Variants in DNAH7 observed in about 807,000 individuals in gnomAD.
The protein encoded by DNAH7 is dynein axonemal heavy chain 7.
Under a neutral mutation model 444.6 loss-of-function variants are expected in DNAH7, and 397 were observed. That is an observed-to-expected ratio of 0.89 (90% CI 0.82 to 0.97). The LOEUF (loss-of-function observed/expected upper bound fraction) is 0.97, where lower values mean the gene tolerates loss of function less well. Among genes scored for constraint, DNAH7 ranks in the 50% least tolerant of loss-of-function variants. DNAH7 has a pLI of 0.00. For synonymous variants in DNAH7, 1,636 were observed against 1,624.4 expected (o/e 1.01, Z -0.17); for missense variants, 4,902 against 4,800.8 (o/e 1.02, Z -0.62).
At chr2:196,048,853 T>C (rs895001190) in intron 3 of DNAH7, among the ~76,000 whole-genome samples, 18 of 152,200 alleles carry the variant, frequency 1.2e-4, no homozygotes, top group South Asian at 4.1e-4. Flanking sequence ...CAAATTATTA[T>C]ACATACACAA....
rs1559059258 is a variant in DNAH7, at chr2:195,738,012, T to C, written c.11984A>G (p.Asn3995Ser). 2 of 1,614,082 alleles carry C rather than the reference T, an allele frequency of 1.2e-6. No individual in the cohort carries two copies. The highest frequency in any genetic ancestry group is 1.7e-6 in the Non-Finnish European group (2 of 1,179,946). The change falls in exon 65 of 65, where the codon AAT becomes AGT. Residue 3995 changes from asparagine (N) to serine (S), a missense_variant. Transcript: ENST00000312428. ...GVLSTTGHSTNFVIAMTLPSD... is the reference protein window; with the variant it reads ...GVLSTTGHSTSFVIAMTLPSD... ...GGGAAGAGTCATGGCAATCACAAAA[T>C]TCGTGGAATGGCCAGTGGTGGATAA...
chr2:195,857,502 A>G lies in DNAH7; in HGVS notation c.8289T>C (p.Ala2763=). 1.2e-6 allele frequency: 2 copies of G among 1,613,826 alleles called. No individual in the cohort carries two copies. Among genetic ancestry groups the G allele is most frequent in the Middle Eastern group, 3.3e-4 (2 of 6,060 alleles). ...HEYDKDNIPP[A]YMNIIRKNYI... ...AATTTTTTCTTATGATATTCATATA[A>G]GCTGGAGGAATATTGTCCTTGTCAT... The change falls in exon 44 of 65, where the codon GCT becomes GCC. Residue 2763 remains alanine, a synonymous_variant. Transcript: ENST00000312428.
At chr2:195,993,455 G>T (rs569296477) in intron 12 of DNAH7, among the ~76,000 whole-genome samples, 1 of 152,206 alleles carries the variant, frequency 6.6e-6, no homozygotes, top group South Asian at 2.1e-4. Context: ...AATCCACAAA[G>T]AACTAAGTAG....
At chr2:195,848,099 T>A (rs533343363) in intron 46 of DNAH7, among the ~76,000 whole-genome samples, 1 of 152,282 alleles carries the variant, frequency 6.6e-6, no homozygotes, top group South Asian at 2.1e-4. Flanking sequence ...AGCCTCTGGG[T>A]TGATGAGGGT....
At chr2:195,880,909 C>T (rs1701335360) in intron 36 of DNAH7, among the ~76,000 whole-genome samples, 1 of 152,088 alleles carries the variant, frequency 6.6e-6, no homozygotes, top group Non-Finnish European at 1.5e-5. Context: ...TTTCCTCTAA[C>T]CACTGCCTTC....
intron 58 of DNAH7, among the ~76,000 whole-genome samples, chr2:195,782,897 C>T (rs945056416): frequency 6.6e-6 from 1 of 152,118 alleles, no homozygotes; most frequent in Non-Finnish European, 1.5e-5. Flanking sequence ...AGCACAAGGC[C>T]CCCCCTTTAA....
At chr2:195,918,741 C>T (rs533048333) in intron 24 of DNAH7, among the ~76,000 whole-genome samples, 123 of 151,928 alleles carry the variant, frequency 8.1e-4, no homozygotes, top group African/African-American at 2.6e-3. Context: ...AGGGGTTCTG[C>T]GGGAGAGGAG....
intron 48 of DNAH7, among the ~76,000 whole-genome samples, chr2:195,833,914 C>G (rs1001148115): frequency 6.6e-6 from 1 of 152,120 alleles, no homozygotes; most frequent in African/African-American, 2.4e-5. Flanking sequence ...GCCAGCACAC[C>G]TGGCTAATGT....
intron 1 of DNAH7, among the ~76,000 whole-genome samples, chr2:196,066,024 CCTGA>C (rs768580908): frequency 2.0e-5 from 3 of 152,194 alleles, no homozygotes; most frequent in Non-Finnish European, 4.4e-5. Context: ...CTGTTGGGAT[CCTGA>C]CTAATATAAT....
At chr2:195,838,021 T>G (rs1698468963) in intron 47 of DNAH7, among the ~76,000 whole-genome samples, 1 of 152,116 alleles carries the variant, frequency 6.6e-6, no homozygotes, top group African/African-American at 2.4e-5. Flanking sequence ...CCTGAAGCTG[T>G]GCATGCATGG....
At chr2:195,748,854 T>G (rs1693601256) in intron 63 of DNAH7, among the ~76,000 whole-genome samples, 2 of 152,142 alleles carry the variant, frequency 1.3e-5, no homozygotes, top group South Asian at 4.1e-4. Context: ...ATTAAAGACT[T>G]AAACGTTAGA....
At chr2:195,914,620 T>TA (rs1687558703) in intron 24 of DNAH7, among the ~76,000 whole-genome samples, 1 of 152,244 alleles carries the variant, frequency 6.6e-6, no homozygotes, top group Admixed American at 6.5e-5. Flanking sequence ...ACTCACACAT[T>TA]AAGCACTATC....
In DNAH7 at chr2:195,972,382, T is replaced by C. The variant is rs1013858673; in HGVS notation, c.1918A>G (p.Ile640Val). Residue 640 changes from isoleucine to valine, a missense_variant, in exon 16 of 65, where the codon ATC becomes GTC. Transcript: ENST00000312428. ...GCTGGAGAAAAGTTGACATACTCGA[T>C]GAGGAAGGCGAGGCAGTTTTTGGAA... Reference protein sequence around the residue: ...VDSKNCLAFLIEYVNFSPADM... With the variant: ...VDSKNCLAFLVEYVNFSPADM... 3.1e-6 allele frequency: 5 copies of C among 1,613,814 alleles called. No individual in the cohort carries two copies. In the African/African-American group the frequency reaches 4.0e-5, roughly 13 times the overall value.
intron 13 of DNAH7, 79 bp downstream of exon 13, chr2:195,987,878 T>C: frequency 1.5e-6 from 2 of 1,331,092 alleles, no homozygotes; most frequent in South Asian, 3.0e-5. Context: ...ATTATCTGTG[T>C]TCTAAAAATA....
In DNAH7 at chr2:195,947,955, G is replaced by T. The variant is rs536507652; in HGVS notation, c.3078+9306C>A. On this transcript the variant is annotated intron_variant, in intron 19 of 64. Transcript: ENST00000312428. ...TTCCTTCACAGCCCCTCCAGCATCT[G>T]TTGTTTCCTGACTTTTTAGTGATCA... Among the ~76,000 whole-genome samples, 14 of 152,204 alleles carry T rather than the reference G, an allele frequency of 9.2e-5. 1 individual carries two copies. In the South Asian group the frequency reaches 2.9e-3, roughly 32 times the overall value.
intron 19 of DNAH7, among the ~76,000 whole-genome samples, chr2:195,943,051 T>C (rs765676966): frequency 2.0e-5 from 3 of 152,156 alleles, no homozygotes; most frequent in Non-Finnish European, 2.9e-5. Flanking sequence ...CTGATGGTTT[T>C]ATAAAGGGGA....
chr2:195,942,199 G>A (rs980547571), intron 19 of DNAH7, among the ~76,000 whole-genome samples: 3 of 152,098 alleles, frequency 2.0e-5, no homozygotes, highest in Non-Finnish European at 2.9e-5. Flanking sequence ...GATGTTCGAT[G>A]TGAGCCTCTT....
At chr2:195,952,829 G>A (rs529902080) in intron 19 of DNAH7, among the ~76,000 whole-genome samples, 7 of 152,054 alleles carry the variant, frequency 4.6e-5, no homozygotes, top group South Asian at 4.2e-4. Context: ...TTAGCAATTC[G>A]TCTAACCTTT....
chr2:195,866,032 C>A (rs1221618254), intron 40 of DNAH7, among the ~76,000 whole-genome samples: 3 of 152,126 alleles, frequency 2.0e-5, no homozygotes, highest in Non-Finnish European at 4.4e-5. Flanking sequence ...TTGTTAATGG[C>A]CAACTAATAC....
Sources: allele counts gnomAD v4.1 joint callset (sites outside exome capture counted in the v4.1 genomes callset), GRCh38; gene constraint gnomAD v4.1.1; transcripts MANE v1.5; gene names NCBI Gene and HGNC (gene_info 2026-07-23, HGNC 2026-07-21).